Variants in WIF1 observed in about 807,000 individuals in gnomAD.
WIF1 encodes Wnt inhibitory factor 1.
A neutral mutation model predicts 53.5 loss-of-function variants in WIF1; 35 were observed. The ratio of observed to expected loss-of-function variants is 0.65; its 90% CI spans 0.50 to 0.87. The LOEUF (loss-of-function observed/expected upper bound fraction) is 0.87, where lower values mean the gene tolerates loss of function less well. Ranked by LOEUF, WIF1 falls within the 40% of genes least tolerant of loss-of-function variation. The probability of loss-of-function intolerance (pLI) is 0.00; values close to 1 mark genes in which losing one functional copy is unlikely to be tolerated. For synonymous variants in WIF1, 171 were observed against 170.4 expected (o/e 1.00, Z -0.03); for missense variants, 467 against 476.8 (o/e 0.98, Z 0.19).
chr12:65,073,222 T>C (rs1290498727), intron 3 of WIF1, among the ~76,000 whole-genome samples: 1 of 152,224 alleles, frequency 6.6e-6, no homozygotes, highest in Non-Finnish European at 1.5e-5. Flanking sequence ...TCCTTTAAGC[T>C]GCCCTGCCAG....
At chr12:65,089,458 A>G (rs1026973658) in intron 2 of WIF1, among the ~76,000 whole-genome samples, 9 of 151,928 alleles carry the variant, frequency 5.9e-5, no homozygotes, top group African/African-American at 2.2e-4. Flanking sequence ...CCATCATCCA[A>G]TTTTTCTTCT....
intron 5 of WIF1, among the ~76,000 whole-genome samples, chr12:65,067,249 CCTTG>C (rs1882699971): frequency 6.6e-6 from 1 of 151,960 alleles, no homozygotes; most frequent in Non-Finnish European, 1.5e-5. Flanking sequence ...ATATTCATTT[CCTTG>C]CTTATGTCTT....
intron 2 of WIF1, among the ~76,000 whole-genome samples, chr12:65,094,524 G>A (rs965558718): frequency 3.9e-5 from 6 of 151,960 alleles, no homozygotes; most frequent in African/African-American, 1.5e-4. Context: ...GTTTAGTGTA[G>A]CTTGATTGCC....
chr12:65,084,899 A>G (rs1883012184), intron 2 of WIF1, among the ~76,000 whole-genome samples: 1 of 152,180 alleles, frequency 6.6e-6, no homozygotes, highest in Non-Finnish European at 1.5e-5. Context: ...GCAGCCCACA[A>G]TTGAGAATAC....
intron 9 of WIF1, among the ~76,000 whole-genome samples, chr12:65,052,065 G>A (rs1882449386): frequency 6.6e-6 from 1 of 152,100 alleles, no homozygotes. Context: ...TTTCCAGATG[G>A]GTTGTAAATG....
intron 2 of WIF1, among the ~76,000 whole-genome samples, chr12:65,096,512 C>T (rs1209077713): frequency 6.6e-6 from 1 of 152,194 alleles, no homozygotes; most frequent in Non-Finnish European, 1.5e-5. Flanking sequence ...AATCCCATTA[C>T]TGGGTATATA....
At position 65,088,321 on chromosome 12, in the gene WIF1, C is replaced by T. The variant is rs994442759; in HGVS notation, c.289-10467G>A. 7.2e-5 allele frequency among the ~76,000 whole-genome samples: 11 copies of T among 152,234 alleles called. No individual in the cohort carries two copies. In the South Asian group the frequency reaches 8.3e-4, roughly 11 times the overall value. On this transcript the variant is annotated intron_variant, in intron 2 of 9. Coordinates refer to ENST00000286574, the MANE Select transcript of WIF1 (RefSeq NM_007191.5). ...CAAAGAAAACAGAGATTACTATATA[C>T]GAATCCTCTCAACATCCCCCCCATC...
chr12:65,099,311 T>C (rs1477028824), intron 2 of WIF1, among the ~76,000 whole-genome samples: 4 of 152,170 alleles, frequency 2.6e-5, no homozygotes, highest in Non-Finnish European at 5.9e-5. Flanking sequence ...TGGGAATGAT[T>C]GAGAATGATT....
chr12:65,089,575 C>T (rs1422263107), intron 2 of WIF1, among the ~76,000 whole-genome samples: 1 of 152,146 alleles, frequency 6.6e-6, no homozygotes, highest in Non-Finnish European at 1.5e-5. Flanking sequence ...CTCTGCCCAC[C>T]AGCCTCTTCT....
intron 2 of WIF1, among the ~76,000 whole-genome samples, chr12:65,117,543 C>A (rs114750751): frequency 6.6e-6 from 1 of 152,084 alleles, no homozygotes; most frequent in African/African-American, 2.4e-5. Flanking sequence ...ATGGACCGGG[C>A]GGTGGAGGAA....
chr12:65,063,526 T>C (rs748776536), intron 6 of WIF1, among the ~76,000 whole-genome samples: 1 of 151,852 alleles, frequency 6.6e-6, no homozygotes, highest in Non-Finnish European at 1.5e-5. Context: ...AGTAGGAAAA[T>C]CAGAAAAGAA....
intron 2 of WIF1, 50 bp downstream of exon 2, chr12:65,120,367 C>T (rs1883581572): frequency 6.3e-7 from 1 of 1,582,452 alleles, no homozygotes; most frequent in South Asian, 1.2e-5. Flanking sequence ...ACTATTTCCA[C>T]CTGCCATAAG....
intron 2 of WIF1, among the ~76,000 whole-genome samples, chr12:65,114,072 T>G (rs927980330): frequency 1.3e-5 from 2 of 152,178 alleles, no homozygotes; most frequent in Non-Finnish European, 2.9e-5. Flanking sequence ...TAATAATAAG[T>G]GTTACCATAA....
intron 9 of WIF1, among the ~76,000 whole-genome samples, chr12:65,052,635 G>A (rs1882457901): frequency 6.6e-6 from 1 of 152,194 alleles, no homozygotes; most frequent in Admixed American, 6.5e-5. Flanking sequence ...AATTATTTTA[G>A]CTAATGTACA....
intron 5 of WIF1, among the ~76,000 whole-genome samples, chr12:65,067,240 T>C (rs1410131069): frequency 6.6e-6 from 1 of 152,190 alleles, no homozygotes; most frequent in Admixed American, 6.5e-5. Context: ...TTATGATTAA[T>C]ATTCATTTCC....
intron 3 of WIF1, 91 bp from the exon 4 acceptor site, chr12:65,068,995 A>G (rs760714460): frequency 7.1e-7 from 1 of 1,406,706 alleles, no homozygotes; most frequent in Non-Finnish European, 9.6e-7. Flanking sequence ...TCAAAGGACA[A>G]AGCAAAAATG....
chr12:65,071,231 C>CAAAAAAAAA (rs67928556), intron 3 of WIF1, among the ~76,000 whole-genome samples: 12 of 71,168 alleles, frequency 1.7e-4, no homozygotes, highest in African/African-American at 4.5e-4. Flanking sequence ...AAGACTCCAT[C>CAAAAAAAAA]AAAAAAAAAA....
intron 3 of WIF1, among the ~76,000 whole-genome samples, chr12:65,075,398 C>T (rs796124661): frequency 1.5e-4 from 23 of 152,264 alleles, no homozygotes; most frequent in East Asian, 5.8e-4. Flanking sequence ...TTTATTTTCA[C>T]GTTCCTCTAG....
intron 3 of WIF1, among the ~76,000 whole-genome samples, chr12:65,070,503 G>A (rs1158323798): frequency 6.6e-6 from 1 of 152,068 alleles, no homozygotes; most frequent in African/African-American, 2.4e-5. Flanking sequence ...TAAATTTTTT[G>A]TACTTATACT....
Sources: gnomAD v4.1 joint callset for allele counts (sites outside exome capture counted in the v4.1 genomes callset) on GRCh38, gnomAD v4.1.1 for gene constraint, MANE v1.5 for transcripts, NCBI Gene and HGNC (gene_info 2026-07-23, HGNC 2026-07-21) for gene names.